The following ZNF385D variants were observed in gnomAD, a reference collection of about 807,000 sequenced individuals.
The protein encoded by ZNF385D is zinc finger protein 659.
Under a neutral mutation model 35.8 loss-of-function variants are expected in ZNF385D, and 15 were observed. The ratio of observed to expected loss-of-function variants is 0.42; its 90% CI spans 0.28 to 0.64. The LOEUF is 0.64. ZNF385D is among the 30% of genes least tolerant of loss of function. The probability of loss-of-function intolerance (pLI) is 0.23; values close to 1 mark genes in which losing one functional copy is unlikely to be tolerated. For missense variants in ZNF385D, 474 were observed against 494.6 expected (o/e 0.96, Z 0.39); for synonymous variants, 212 against 186.8 (o/e 1.13, Z -1.10).
intron 2 of ZNF385D, among the ~76,000 whole-genome samples, chr3:21,609,104 A>G (rs1418557346): frequency 2.6e-5 from 4 of 152,200 alleles, no homozygotes; most frequent in Non-Finnish European, 5.9e-5. Context: ...ATTGTGCTAA[A>G]TAACTTCTTT....
chr3:22,317,280 CAAAAAAAAAAA>C (rs59675675), intron 2 of ZNF385D, among the ~76,000 whole-genome samples: 2 of 26,098 alleles, frequency 7.7e-5, no homozygotes, highest in Non-Finnish European at 1.3e-4. Context: ...ACTCCATCTC[CAAAAAAAAAAA>C]AAAAAAAAAA....
intron 4 of ZNF385D, among the ~76,000 whole-genome samples, chr3:21,483,137 C>T (rs915103582): frequency 1.3e-5 from 2 of 152,082 alleles, no homozygotes; most frequent in Non-Finnish European, 2.9e-5. Context: ...GTTATTTGTA[C>T]TACCCCATTA....
At chr3:21,650,289 C>A (rs2065871953) in intron 2 of ZNF385D, among the ~76,000 whole-genome samples, 1 of 152,078 alleles carries the variant, frequency 6.6e-6, no homozygotes, top group Admixed American at 6.6e-5. Flanking sequence ...ATTTCAGGAA[C>A]CAAAATTCAA....
intron 2 of ZNF385D, among the ~76,000 whole-genome samples, chr3:22,292,554 AC>A (rs1441261730): frequency 1.3e-5 from 2 of 152,088 alleles, no homozygotes; most frequent in African/African-American, 2.4e-5. Flanking sequence ...ATTTAAAGCA[AC>A]ATGCCCAGAT....
At chr3:21,456,687 TAACA>T (rs1488754023) in intron 4 of ZNF385D, among the ~76,000 whole-genome samples, 2 of 152,156 alleles carry the variant, frequency 1.3e-5, no homozygotes, top group African/African-American at 2.4e-5. Context: ...TATACATATG[TAACA>T]AACCTGCATG....
At chr3:21,985,151 C>G (rs1179034910) in intron 3 of ZNF385D, among the ~76,000 whole-genome samples, 1 of 94,188 alleles carries the variant, frequency 1.1e-5, no homozygotes, top group South Asian at 5.4e-4. Flanking sequence ...AATTGAATAC[C>G]CTTTATTTCC....
At chr3:22,347,546 A>G (rs1023553023) in intron 2 of ZNF385D, among the ~76,000 whole-genome samples, 6 of 152,228 alleles carry the variant, frequency 3.9e-5, no homozygotes, top group Non-Finnish European at 8.8e-5. Flanking sequence ...ATGTCAATAG[A>G]AACTTAGATC....
chr3:21,506,385 T>C (rs1706781432), intron 4 of ZNF385D, among the ~76,000 whole-genome samples: 1 of 152,134 alleles, frequency 6.6e-6, no homozygotes, highest in Non-Finnish European at 1.5e-5. Context: ...ACTAGGATTT[T>C]AGAGGTTGTT....
chr3:21,976,210 A>C (rs988012227), intron 3 of ZNF385D, among the ~76,000 whole-genome samples: 1 of 152,218 alleles, frequency 6.6e-6, no homozygotes, highest in Admixed American at 6.5e-5. Context: ...TATCACTAAA[A>C]TTTCTCATTC....
At chr3:22,299,327 T>TC (rs1260503748) in intron 2 of ZNF385D, among the ~76,000 whole-genome samples, 2 of 151,834 alleles carry the variant, frequency 1.3e-5, no homozygotes, top group African/African-American at 2.4e-5. Flanking sequence ...AATAAAACAC[T>TC]TTAGGTTATT....
intron 2 of ZNF385D, among the ~76,000 whole-genome samples, chr3:21,583,410 A>G (rs1335317826): frequency 6.6e-6 from 1 of 152,184 alleles, no homozygotes; most frequent in Non-Finnish European, 1.5e-5. Context: ...CTAGTTTTAA[A>G]ATTTTCTTAT....
At chr3:21,831,220 T>C (rs180939661) in intron 3 of ZNF385D, among the ~76,000 whole-genome samples, 10 of 152,294 alleles carry the variant, frequency 6.6e-5, no homozygotes, top group Non-Finnish European at 1.2e-4. Context: ...TTATATTCTA[T>C]CATTCCCTTC....
At chr3:21,929,210 TAAAG>T (rs1242215194) in intron 3 of ZNF385D, among the ~76,000 whole-genome samples, 1 of 152,014 alleles carries the variant, frequency 6.6e-6, no homozygotes, top group Non-Finnish European at 1.5e-5. Flanking sequence ...ATCAATAAAA[TAAAG>T]AACGAAAACC....
chr3:22,064,113 A>G (rs141506789), intron 3 of ZNF385D, among the ~76,000 whole-genome samples: 10 of 152,304 alleles, frequency 6.6e-5, no homozygotes, highest in African/African-American at 2.2e-4. Context: ...ACTTCAGTCT[A>G]GTTATAGGGC....
chr3:21,952,399 A>C (rs1038507163), intron 3 of ZNF385D, among the ~76,000 whole-genome samples: 44 of 152,056 alleles, frequency 2.9e-4, no homozygotes, highest in African/African-American at 9.7e-4. Context: ...GAGAGGCATC[A>C]ATCAACATCA....
chr3:21,814,476 G>A (rs948780190), intron 3 of ZNF385D, among the ~76,000 whole-genome samples: 4 of 152,224 alleles, frequency 2.6e-5, no homozygotes, highest in East Asian at 3.9e-4. Flanking sequence ...TCAAAATAAA[G>A]GGATGGAGGA....
intron 2 of ZNF385D, among the ~76,000 whole-genome samples, chr3:22,322,837 T>C (rs1229906967): frequency 6.6e-6 from 1 of 152,242 alleles, no homozygotes; most frequent in Non-Finnish European, 1.5e-5. Flanking sequence ...GTTTTAAAGT[T>C]CTGGATATTT....
chr3:22,320,504 T>C (rs1278835419), intron 2 of ZNF385D, among the ~76,000 whole-genome samples: 1 of 151,780 alleles, frequency 6.6e-6, no homozygotes, highest in Non-Finnish European at 1.5e-5. Context: ...TTTTTTGGCA[T>C]ATGATAGTGA....
At chr3:21,748,877 C>G (rs1412892412) in intron 1 of ZNF385D, among the ~76,000 whole-genome samples, 1 of 152,114 alleles carries the variant, frequency 6.6e-6, no homozygotes, top group Non-Finnish European at 1.5e-5. Flanking sequence ...TTTTAACATG[C>G]CTGAAGTGTA....
Sources: gnomAD v4.1 joint callset for allele counts (sites outside exome capture counted in the v4.1 genomes callset) on GRCh38, gnomAD v4.1.1 for gene constraint, MANE v1.5 for transcripts, NCBI Gene and HGNC (gene_info 2026-07-23, HGNC 2026-07-21) for gene names.